The following TAMM41 variants were observed in gnomAD, a reference collection of about 807,000 sequenced individuals.
The protein encoded by TAMM41 is phosphatidate cytidylyltransferase, mitochondrial.
A neutral mutation model predicts 44.1 loss-of-function variants in TAMM41; 36 were observed. That is an observed-to-expected ratio of 0.82 (90% CI 0.63 to 1.08). The LOEUF is 1.08. Among genes scored for constraint, TAMM41 ranks in the 50% least tolerant of loss-of-function variants. TAMM41 has a pLI of 0.00. For missense variants in TAMM41, 417 were observed against 404.3 expected, an observed-to-expected ratio of 1.03 and a Z score of -0.27; for synonymous variants, 164 against 153.1, an observed-to-expected ratio of 1.07 and a Z score of -0.53.
the TAMM41 span, among the ~76,000 whole-genome samples, chr3:11,770,947 C>T: frequency 1.3e-5 from 2 of 152,096 alleles, no homozygotes; most frequent in Non-Finnish European, 2.9e-5. Flanking sequence ...TACATGTACC[C>T]CCTTCACTCC....
chr3:11,775,964 C>T, the TAMM41 span, among the ~76,000 whole-genome samples: 1 of 150,762 alleles, frequency 6.6e-6, no homozygotes, highest in Non-Finnish European at 1.5e-5. Context: ...AAATGTTTTT[C>T]TTTTGGTTGG....
At chr3:11,750,390 C>T in the TAMM41 span, among the ~76,000 whole-genome samples, 1 of 151,938 alleles carries the variant, frequency 6.6e-6, no homozygotes. Flanking sequence ...CTGACTGTAG[C>T]CTCGAACTCC....
At chr3:11,770,746 G>A in the TAMM41 span, among the ~76,000 whole-genome samples, 6 of 152,154 alleles carry the variant, frequency 3.9e-5, no homozygotes, top group Non-Finnish European at 5.9e-5. Context: ...ACAGAAGTAC[G>A]AGCGACAGCC....
At chr3:11,764,944 AAT>A in the TAMM41 span, among the ~76,000 whole-genome samples, 4 of 152,220 alleles carry the variant, frequency 2.6e-5, no homozygotes, top group African/African-American at 9.6e-5. Context: ...TAGCCAGAAA[AAT>A]AGTCATTGTC....
the TAMM41 span, among the ~76,000 whole-genome samples, chr3:11,722,783 A>C: frequency 6.6e-6 from 1 of 152,132 alleles, no homozygotes; most frequent in South Asian, 2.1e-4. Flanking sequence ...AGGCTGGCCA[A>C]CATGGTGAAA....
the TAMM41 span, among the ~76,000 whole-genome samples, chr3:11,780,284 C>G: frequency 6.6e-6 from 1 of 152,220 alleles, no homozygotes; most frequent in Non-Finnish European, 1.5e-5. Context: ...CTTTATTCAT[C>G]TTGAACTAAC....
intron 4 of TAMM41, among the ~76,000 whole-genome samples, 168 bp from the exon 5 acceptor site, chr3:11,817,505 A>G (rs578003157): frequency 1.3e-5 from 2 of 152,220 alleles, no homozygotes; most frequent in Non-Finnish European, 1.5e-5. Context: ...AAGAAATGTG[A>G]GCACTTGTTT....
At chr3:11,801,834 T>A (rs1384260214) in intron 7 of TAMM41, among the ~76,000 whole-genome samples, 1 of 151,896 alleles carries the variant, frequency 6.6e-6, no homozygotes, top group Non-Finnish European at 1.5e-5. Context: ...AAAAAATAAC[T>A]AAACTCAAAG....
At chr3:11,739,637 A>C in the TAMM41 span, among the ~76,000 whole-genome samples, 13 of 130,662 alleles carry the variant, frequency 9.9e-5, 1 homozygote, top group East Asian at 9.7e-4. Flanking sequence ...ACACCACTGC[A>C]CTCCAGCCTG....
chr3:11,839,139 C>G, intron 3 of TAMM41, 83 bp downstream of exon 3: 1 of 808,392 alleles, frequency 1.2e-6, no homozygotes. Context: ...AGAGTTCCAT[C>G]TCATTGCAAT....
downstream of TAMM41, among the ~76,000 whole-genome samples, chr3:11,789,226 G>C (rs2077435462): frequency 6.6e-6 from 1 of 152,178 alleles, no homozygotes; most frequent in African/African-American, 2.4e-5. Flanking sequence ...AACTCAGTTT[G>C]GCTGAATCTG....
chr3:11,725,295 T>TC, the TAMM41 span, among the ~76,000 whole-genome samples: 2 of 97,916 alleles, frequency 2.0e-5, no homozygotes, highest in African/African-American at 3.3e-5. Context: ...TTCTCCTTCT[T>TC]CTCCTCCTCC....
intron 3 of TAMM41, among the ~76,000 whole-genome samples, chr3:11,834,369 C>T (rs62248591): frequency 0.063 from 9,633 of 152,190 alleles, 434 homozygotes; most frequent in Middle Eastern, 0.14. Flanking sequence ...GTCTTAAAAA[C>T]TCAAGCACAA....
At chr3:11,771,709 A>G in the TAMM41 span, among the ~76,000 whole-genome samples, 3 of 151,880 alleles carry the variant, frequency 2.0e-5, no homozygotes, top group Non-Finnish European at 4.4e-5. Context: ...CAGCCTCCCA[A>G]GTAGCTGGGA....
chr3:11,735,123 G>T, the TAMM41 span, among the ~76,000 whole-genome samples: 2 of 151,966 alleles, frequency 1.3e-5, no homozygotes, highest in Admixed American at 6.6e-5. Flanking sequence ...ACTTTGGGAG[G>T]CTGAGAAGGG....
chr3:11,839,646 C>T (rs1427060285), intron 2 of TAMM41, among the ~76,000 whole-genome samples: 1 of 152,174 alleles, frequency 6.6e-6, no homozygotes, highest in African/African-American at 2.4e-5. Flanking sequence ...TAGGTCAAGC[C>T]AACCAAGGAG....
chr3:11,823,803 G>A (rs1235120921), intron 4 of TAMM41, among the ~76,000 whole-genome samples: 1 of 147,978 alleles, frequency 6.8e-6, no homozygotes, highest in Non-Finnish European at 1.5e-5. Context: ...TGGGACTACA[G>A]GTCAGGTGTG....
At chr3:11,780,752 A>G in the TAMM41 span, among the ~76,000 whole-genome samples, 1 of 152,210 alleles carries the variant, frequency 6.6e-6, no homozygotes, top group South Asian at 2.1e-4. Context: ...AGTACTTATC[A>G]GAGAAATCTA....
intron 1 of TAMM41, chr3:11,845,142 G>A (rs1209342032): frequency 2.8e-6 from 1 of 359,394 alleles, no homozygotes; most frequent in Non-Finnish European, 5.5e-6. Flanking sequence ...ATCAGAGAGG[G>A]AGGCTGTTTG....
Sources: gnomAD v4.1 joint callset for allele counts (sites outside exome capture counted in the v4.1 genomes callset) on GRCh38, gnomAD v4.1.1 for gene constraint, MANE v1.5 for transcripts, NCBI Gene and HGNC (gene_info 2026-07-23, HGNC 2026-07-21) for gene names.